The following GCNT1 variants were observed in gnomAD, a reference collection of about 807,000 sequenced individuals.
GCNT1 encodes beta-1,3-galactosyl-O-glycosyl-glycoprotein beta-1,6-N-acetylglucosaminyltransferase.
A neutral mutation model predicts 26.2 loss-of-function variants in GCNT1; 16 were observed. The observed-to-expected ratio is 0.61, with a 90% CI of 0.41 to 0.93. The LOEUF is 0.93. Among genes scored for constraint, GCNT1 ranks in the 40% least tolerant of loss-of-function variants. GCNT1 has a pLI of 0.00. For missense variants in GCNT1, 477 were observed against 526.7 expected (o/e 0.91, Z 0.92); for synonymous variants, 183 against 190.8 (o/e 0.96, Z 0.34).
intron 2 of GCNT1, among the ~76,000 whole-genome samples, chr9:76,499,188 C>T (rs547215990): frequency 1.3e-5 from 2 of 152,136 alleles, no homozygotes; most frequent in South Asian, 2.1e-4. Context: ...AGTGCAGTGG[C>T]ATGATCTTGG....
the GCNT1 span, chr9:76,399,015 G>C: frequency 6.3e-7 from 1 of 1,584,470 alleles, no homozygotes; most frequent in African/African-American, 1.3e-5. Flanking sequence ...TTCACTCCTG[G>C]AACCTTCACT....
At chr9:76,463,754 C>T (rs1221820431) in intron 2 of GCNT1, among the ~76,000 whole-genome samples, 1 of 116,158 alleles carries the variant, frequency 8.6e-6, no homozygotes, top group Non-Finnish European at 1.8e-5. Context: ...ATGAGCCAAA[C>T]ACATAGTCAC....
intron 2 of GCNT1, among the ~76,000 whole-genome samples, chr9:76,463,277 A>C (rs1161100498): frequency 6.6e-6 from 1 of 152,144 alleles, no homozygotes; most frequent in Non-Finnish European, 1.5e-5. Flanking sequence ...CCCCTTGTTA[A>C]AAAAATTAAG....
chr9:76,416,580 C>A (rs892862718), upstream of GCNT1, among the ~76,000 whole-genome samples: 1 of 152,222 alleles, frequency 6.6e-6, no homozygotes, highest in Non-Finnish European at 1.5e-5. Context: ...CGCTCCCCCT[C>A]CTGCAAGGGG....
the GCNT1 span, among the ~76,000 whole-genome samples, chr9:76,413,653 G>GTTTTTTTTTTTTTGTTTTTTTT: frequency 2.5e-5 from 3 of 118,662 alleles, no homozygotes; most frequent in Admixed American, 8.9e-5. Flanking sequence ...GTTTTGTTTT[G>GTTTTTTTTTTTTTGTTTTTTTT]TTTTTTTTTT....
At chr9:76,467,269 C>T (rs1399647825) in intron 2 of GCNT1, among the ~76,000 whole-genome samples, 1 of 152,156 alleles carries the variant, frequency 6.6e-6, no homozygotes, top group Non-Finnish European at 1.5e-5. Flanking sequence ...GTCTCAATCT[C>T]CTGACCTAGT....
At chr9:76,407,154 A>AT in the GCNT1 span, among the ~76,000 whole-genome samples, 49,891 of 148,188 alleles carry the variant, frequency 0.34, 8,646 homozygotes, top group Non-Finnish European at 0.39. Flanking sequence ...TTTTGAGTTA[A>AT]TTTTTTTTTT....
At chr9:76,485,559 AG>A (rs1390132702) in intron 2 of GCNT1, among the ~76,000 whole-genome samples, 2 of 152,194 alleles carry the variant, frequency 1.3e-5, no homozygotes, top group Non-Finnish European at 2.9e-5. Context: ...AATTTACAGC[AG>A]GGGTTCTCTG....
chr9:76,394,590 C>G, the GCNT1 span: 23 of 150,302 alleles, frequency 1.5e-4, no homozygotes, highest in Non-Finnish European at 2.7e-4. Context: ...GCCCGGCTCC[C>G]GCCGCAAGCT....
chr9:76,472,437 A>C (rs1307303225), intron 2 of GCNT1, among the ~76,000 whole-genome samples: 1 of 152,212 alleles, frequency 6.6e-6, no homozygotes, highest in African/African-American at 2.4e-5. Context: ...ACATACCCAC[A>C]AGGGTGAAGC....
chr9:76,459,507 C>T (rs536634684), intron 1 of GCNT1, among the ~76,000 whole-genome samples: 1 of 152,178 alleles, frequency 6.6e-6, no homozygotes, highest in Admixed American at 6.5e-5. Context: ...CTTCATTTTC[C>T]GTCCGCTCAG....
Position 76,502,669 on chromosome 9 carries a change from G to A in GCNT1, c.288G>A (p.Met96Ile), listed in dbSNP as rs770290150. The A allele has an allele frequency of 6.2e-7, 1 of 1,614,084 alleles. No individual in the cohort carries two copies. The highest frequency in any genetic ancestry group is 1.7e-5 in the Admixed American group (1 of 60,020). Residue 96 changes from methionine to isoleucine, a missense_variant, in exon 4 of 4, where the codon ATG becomes ATA. Coordinates refer to ENST00000376730, the MANE Select transcript of GCNT1 (RefSeq NM_001490.5). ...GGACACCTGACGACTATATAAACAT[G>A]ACCAGTGACTGTTCTTCTTTCATCA... Reference protein sequence around the residue: ...PRWTPDDYINMTSDCSSFIKR... With the variant: ...PRWTPDDYINITSDCSSFIKR...
At position 76,485,511 on chromosome 9, in the gene GCNT1, A is replaced by T. The variant is rs139960495; in HGVS notation, c.-289-15405A>T. 2.7e-3 allele frequency among the ~76,000 whole-genome samples: 408 copies of T among 151,796 alleles called. 11 individuals carry two copies. In the East Asian group the frequency reaches 0.058, roughly 21 times the overall value. Reference sequence around the variant, plus strand: ...CTGCATTTTACTTATTTAATTCTGAACTCTACCTTAGTTATCAAAATCTCT... The same window carrying T: ...CTGCATTTTACTTATTTAATTCTGATCTCTACCTTAGTTATCAAAATCTCT... On this transcript the variant is annotated intron_variant, in intron 2 of 3. Transcript: ENST00000376730.
At chr9:76,401,107 G>A in the GCNT1 span, among the ~76,000 whole-genome samples, 1 of 152,208 alleles carries the variant, frequency 6.6e-6, no homozygotes, top group African/African-American at 2.4e-5. Flanking sequence ...CTGTTGGTCT[G>A]CTATAGAAAA....
rs2131648728 is a variant in GCNT1, at chr9:76,503,881, G to A, written c.*213G>A. 1.8e-6 allele frequency: 1 copy of A among 569,972 alleles called. No homozygotes were observed. Among genetic ancestry groups the A allele is most frequent in the East Asian group, 3.1e-5 (1 of 32,300 alleles). The allele number at this position is 569,972 out of a possible 1,614,324, so 35.3% of individuals were successfully genotyped here. A position where few individuals can be genotyped will look rare whatever the true frequency, so the allele number is the denominator to read the frequency against. ...TAAATGTTCATCTAGAGTTAATAGT[G>A]GGAGGAGTAAAGGTAGCCTTGAGGC... On this transcript the variant is annotated 3_prime_UTR_variant, in exon 4 of 4. Transcript: ENST00000376730.
chr9:76,485,934 T>C (rs1048308188), intron 2 of GCNT1, among the ~76,000 whole-genome samples: 1 of 152,142 alleles, frequency 6.6e-6, no homozygotes, highest in Non-Finnish European at 1.5e-5. Context: ...GGTTTCGCCA[T>C]ATCGGCCAGG....
At chr9:76,399,497 T>TG in the GCNT1 span, 1 of 1,591,792 alleles carries the variant, frequency 6.3e-7, no homozygotes, top group East Asian at 2.2e-5. Flanking sequence ...TACTGAAGAC[T>TG]GGAGCGCTCA....
At chr9:76,443,894 AAAGAAAGGAAGAAAGGAAGAAAGG>A (rs1195027651) in intron 1 of GCNT1, among the ~76,000 whole-genome samples, 2 of 127,298 alleles carry the variant, frequency 1.6e-5, no homozygotes, top group African/African-American at 3.2e-5. Context: ...AGAAAGAAAG[AAAGAAAGGAAGAAAGGAAGAAAGG>A]AAGAAAGGAA....
chr9:76,439,972 G>A (rs556727074), upstream of GCNT1, among the ~76,000 whole-genome samples: 6 of 152,000 alleles, frequency 3.9e-5, no homozygotes, highest in African/African-American at 1.4e-4. Context: ...TTGGTGGTGG[G>A]CACCTGTAAT....
Sources: gnomAD v4.1 joint callset for allele counts (sites outside exome capture counted in the v4.1 genomes callset) on GRCh38, gnomAD v4.1.1 for gene constraint, MANE v1.5 for transcripts, NCBI Gene and HGNC (gene_info 2026-07-23, HGNC 2026-07-21) for gene names.